Variants in SMS observed in about 807,000 individuals in gnomAD.
SMS encodes the protein spermine synthase.
A neutral mutation model predicts 33.0 loss-of-function variants in SMS; 3 were observed. The observed-to-expected ratio is 0.09, with a 90% CI of 0.04 to 0.23. The LOEUF (loss-of-function observed/expected upper bound fraction) is 0.23. SMS is among the 10% of genes least tolerant of loss of function. The pLI is 1.00. For missense variants in SMS, 117 were observed against 288.6 expected (o/e 0.41, Z 4.31); for synonymous variants, 103 against 112.2 (o/e 0.92, Z 0.52).
Position 21,977,082 on chromosome X carries a change from A to G in SMS, c.351A>G (p.Gly117=). 8.3e-7 allele frequency: 1 copy of G among 1,210,983 alleles called. No individual in the cohort carries two copies. Among genetic ancestry groups the G allele is most frequent in the Non-Finnish European group, 1.1e-6 (1 of 894,617 alleles). ...CCAGATTACCACCCATAGTGCGAGG[A>G]GGAGCCATCGACAGATACTGGCCCA... The part of the protein sequence containing the change: ...RVKRLPPIVR[G]GAIDRYWPTA... Residue 117 remains glycine, a synonymous_variant, in exon 5 of 11, where the codon GGA becomes GGG. Coordinates refer to ENST00000404933, the MANE Select transcript of SMS (RefSeq NM_004595.5).
chrX:21,947,048 C>T (rs758898854), intron 1 of SMS, among the ~76,000 whole-genome samples: 3 of 111,762 alleles, frequency 2.7e-5, no homozygotes, highest in Non-Finnish European at 5.6e-5. Context: ...CCAGCTCCCA[C>T]GCTCCCCTGT....
chrX:21,967,081 T>C (rs1462654808), intron 1 of SMS, 115 bp from the exon 2 acceptor site: 11 of 237,414 alleles, frequency 4.6e-5, no homozygotes, highest in East Asian at 3.1e-4. Flanking sequence ...TATTTATTTA[T>C]TTATTTATTT....
intron 1 of SMS, among the ~76,000 whole-genome samples, chrX:21,964,673 C>G (rs764941490): frequency 1.8e-5 from 2 of 111,878 alleles, no homozygotes; most frequent in South Asian, 7.5e-4. Context: ...ACTCTGTCAT[C>G]TAGTTTTGTT....
At chrX:21,993,564 G>C (rs996181349) in intron 10 of SMS, among the ~76,000 whole-genome samples, 1 of 112,137 alleles carries the variant, frequency 8.9e-6, no homozygotes, top group Non-Finnish European at 1.9e-5. Flanking sequence ...GGTCCCATCA[G>C]GCTGGGGCAG....
At chrX:21,955,701 T>G (rs1922927279) in intron 1 of SMS, among the ~76,000 whole-genome samples, 1 of 111,539 alleles carries the variant, frequency 9.0e-6, no homozygotes, top group South Asian at 3.8e-4. Context: ...AGTTCCTTCC[T>G]CTTCTCAAAA....
At chrX:21,970,436 C>T (rs1403744983) in intron 2 of SMS, among the ~76,000 whole-genome samples, 1 of 112,153 alleles carries the variant, frequency 8.9e-6, no homozygotes, top group African/African-American at 3.2e-5. Flanking sequence ...CCTCTCCTCT[C>T]TGCTGCTGGT....
intron 1 of SMS, among the ~76,000 whole-genome samples, chrX:21,953,374 C>G (rs927692063): frequency 9.0e-6 from 1 of 111,491 alleles, no homozygotes; most frequent in Non-Finnish European, 1.9e-5. Flanking sequence ...TTGAGACATG[C>G]ATTACATCAT....
chrX:21,979,405 C>T (rs546137118), intron 7 of SMS, among the ~76,000 whole-genome samples: 2 of 108,809 alleles, frequency 1.8e-5, no homozygotes, highest in South Asian at 8.4e-4. Flanking sequence ...TCCCTGTGTC[C>T]ATGTGTTCTC....
In SMS at chrX:21,967,205, A is replaced by G. The variant is rs760670744; in HGVS notation, c.59A>G (p.Glu20Gly). 8.3e-7 allele frequency: 1 copy of G among 1,206,361 alleles called. No individual in the cohort carries two copies. Among genetic ancestry groups the G allele is most frequent in the East Asian group, 3.0e-5 (1 of 33,698 alleles). The change falls in exon 2 of 11, where the codon GAG becomes GGG. Residue 20 changes from glutamate (E) to glycine (G), a missense_variant. Physicochemically the swap from Glu to Gly is moderately conservative, Grantham distance 98. This residue lies in a region of SMS where 23 missense variants were observed against 60.5 expected (regional missense o/e 0.38). Transcript: ENST00000404933. ...DFMLGAKADG[E>G]TILKGLQSIF... ...TCCCCTTGTTCTCCAGCTGATGGTG[A>G]GACCATTCTAAAAGGCCTCCAGTCC...
chrX:21,990,110 C>T (rs1221004730), intron 9 of SMS, among the ~76,000 whole-genome samples: 1 of 111,792 alleles, frequency 8.9e-6, no homozygotes. Flanking sequence ...AAGCTGGACT[C>T]CTGTCTCCTT....
At chrX:21,944,833 C>G (rs1266829368) in intron 1 of SMS, among the ~76,000 whole-genome samples, 1 of 110,652 alleles carries the variant, frequency 9.0e-6, no homozygotes, top group Non-Finnish European at 1.9e-5. Flanking sequence ...CAAAAATCAG[C>G]CGGGTGTTGG....
At chrX:21,962,073 C>T (rs1033949137) in intron 1 of SMS, among the ~76,000 whole-genome samples, 1 of 112,052 alleles carries the variant, frequency 8.9e-6, no homozygotes, top group Non-Finnish European at 1.9e-5. Context: ...TATAGAGCAT[C>T]TAGTAGTTCT....
At chrX:21,962,451 T>C (rs1923423820) in intron 1 of SMS, among the ~76,000 whole-genome samples, 1 of 111,764 alleles carries the variant, frequency 8.9e-6, no homozygotes, top group South Asian at 3.7e-4. Context: ...TTTTGGTGAG[T>C]TGAGTATAAC....
intron 1 of SMS, among the ~76,000 whole-genome samples, chrX:21,945,633 G>GGC (rs1569340036): frequency 5.6e-4 from 28 of 49,710 alleles, no homozygotes; most frequent in Non-Finnish European, 7.8e-4. Context: ...TTTGCTTCCC[G>GGC]TCCCCCCCCC....
intron 1 of SMS, among the ~76,000 whole-genome samples, chrX:21,955,134 C>T (rs1396521735): frequency 8.9e-6 from 1 of 112,004 alleles, no homozygotes; most frequent in Non-Finnish European, 1.9e-5. Context: ...CTGCGCCCGG[C>T]CTTGAATTAT....
intron 1 of SMS, among the ~76,000 whole-genome samples, chrX:21,958,540 A>G (rs929504585): frequency 6.2e-5 from 7 of 112,523 alleles, no homozygotes; most frequent in Non-Finnish European, 1.3e-4. Flanking sequence ...CGTGACCATC[A>G]TGACAATCAA....
chrX:21,943,552 A>G (rs1233548704), intron 1 of SMS, among the ~76,000 whole-genome samples: 2 of 110,937 alleles, frequency 1.8e-5, no homozygotes, highest in Non-Finnish European at 3.8e-5. Context: ...AGCTGTTAAT[A>G]TTTTAATTCC....
At chrX:21,980,723 TC>T (rs1208146963) in intron 7 of SMS, among the ~76,000 whole-genome samples, 1 of 110,691 alleles carries the variant, frequency 9.0e-6, no homozygotes, top group African/African-American at 3.3e-5. Context: ...ACAGTATAAA[TC>T]TAATTATTTG....
intron 5 of SMS, 121 bp from the exon 6 acceptor site, chrX:21,977,839 T>A: frequency 1.3e-6 from 1 of 748,068 alleles, no homozygotes; most frequent in East Asian, 3.2e-5. Flanking sequence ...GTTCACAGTT[T>A]TAAAAAATTG....
Sources: allele counts gnomAD v4.1 joint callset (sites outside exome capture counted in the v4.1 genomes callset), GRCh38; gene constraint gnomAD v4.1.1; regional missense constraint gnomAD v4.1.1; transcripts MANE v1.5; gene names NCBI Gene and HGNC (gene_info 2026-07-23, HGNC 2026-07-21).